Variants in KLHL28 observed in about 807,000 individuals in gnomAD.
KLHL28 encodes kelch-like protein 28.
In KLHL28, 22 loss-of-function variants were observed where a neutral mutation model predicts 48.3. That is an observed-to-expected ratio of 0.46 (90% CI 0.33 to 0.65). The LOEUF (loss-of-function observed/expected upper bound fraction) is 0.65. Among genes scored for constraint, KLHL28 ranks in the 30% least tolerant of loss-of-function variants. KLHL28 has a pLI of 0.03. For missense variants in KLHL28, 527 were observed against 704.3 expected (o/e 0.75, Z 2.85); for synonymous variants, 243 against 242.4 (o/e 1.00, Z -0.02).
intron 3 of KLHL28, among the ~76,000 whole-genome samples, chr14:44,932,498 C>T (rs192258092): frequency 2.0e-5 from 3 of 152,288 alleles, no homozygotes; most frequent in Admixed American, 2.0e-4. Flanking sequence ...ATTCTAGCAG[C>T]TGTTTAAGAC....
rs1164104995 is a variant in KLHL28 at position 44,924,412 on chromosome 14, A to AT, written c.*4615dup. On this transcript the variant is annotated 3_prime_UTR_variant, in exon 5 of 5. Coordinates refer to ENST00000396128, the MANE Select transcript of KLHL28 (RefSeq NM_017658.5). ...AACATTACCACAATGATACACACAA[A>AT]TAACCTTTAAAATAAAAAAGAATAC... 2 of 152,566 alleles carry AT rather than the reference A, an allele frequency of 1.3e-5. No homozygotes were observed. Among genetic ancestry groups the AT allele is most frequent in the Non-Finnish European group, 2.9e-5 (2 of 68,040 alleles). 9.5% of individuals were successfully genotyped at this position (152,566 alleles called of 1,614,324 possible).
chr14:44,954,008 G>C (rs1047618947), intron 1 of KLHL28, among the ~76,000 whole-genome samples: 1 of 151,992 alleles, frequency 6.6e-6, no homozygotes, highest in African/African-American at 2.4e-5. Context: ...AGGAAAAATT[G>C]GTTAAAGAAA....
chr14:44,952,915 A>G (rs1226385670), intron 1 of KLHL28, among the ~76,000 whole-genome samples: 4 of 152,116 alleles, frequency 2.6e-5, no homozygotes, highest in Non-Finnish European at 5.9e-5. Flanking sequence ...AAAAAAAAAA[A>G]AACAAACACA....
chr14:44,954,966 T>C (rs1034467444), intron 1 of KLHL28, among the ~76,000 whole-genome samples: 2 of 152,220 alleles, frequency 1.3e-5, no homozygotes, highest in Admixed American at 6.5e-5. Flanking sequence ...TATCTTATGC[T>C]GTTTTCAGTA....
chr14:44,942,564 T>A (rs1022921403), intron 2 of KLHL28, among the ~76,000 whole-genome samples: 2 of 151,724 alleles, frequency 1.3e-5, no homozygotes, highest in African/African-American at 4.8e-5. Context: ...TGGCATACAA[T>A]AACTTCTTTG....
rs372267594 is a variant in KLHL28 at position 44,953,450 on chromosome 14, CG to C, written c.1-7523del. On this transcript the variant is annotated intron_variant, in intron 1 of 4. Transcript: ENST00000396128. ...AGGTAACTGGCAGAGTCCTTATGAA[CG>C]GATTGATCCACTTATGGATTAATGA... Among the ~76,000 whole-genome samples the C allele has an allele frequency of 2.6e-4, 40 of 152,280 alleles. No individual in the cohort carries two copies. The South Asian group carries it at 8.1e-3, about 31-fold the overall frequency.
intron 2 of KLHL28, among the ~76,000 whole-genome samples, chr14:44,940,785 A>G (rs1213184754): frequency 6.6e-6 from 1 of 152,174 alleles, no homozygotes; most frequent in African/African-American, 2.4e-5. Flanking sequence ...TTCATCAATA[A>G]GCATTCATCT....
intron 1 of KLHL28, among the ~76,000 whole-genome samples, chr14:44,952,229 C>A (rs1884616160): frequency 6.6e-6 from 1 of 152,118 alleles, no homozygotes; most frequent in Non-Finnish European, 1.5e-5. Flanking sequence ...GAAAAATGCA[C>A]AGAATTCTAA....
At chr14:44,960,495 C>T (rs1884995887) in intron 1 of KLHL28, among the ~76,000 whole-genome samples, 1 of 152,194 alleles carries the variant, frequency 6.6e-6, no homozygotes, top group Non-Finnish European at 1.5e-5. Context: ...GAGAACCAGA[C>T]ACTTTCTCAT....
At chr14:44,952,713 C>A (rs73346324) in intron 1 of KLHL28, among the ~76,000 whole-genome samples, 8,163 of 152,072 alleles carry the variant, frequency 0.054, 546 homozygotes, top group African/African-American at 0.16. Flanking sequence ...AACTATAATG[C>A]CTTCAAAATT....
chr14:44,939,192 G>A (rs897884257), intron 2 of KLHL28, among the ~76,000 whole-genome samples: 1 of 152,122 alleles, frequency 6.6e-6, no homozygotes, highest in Admixed American at 6.5e-5. Context: ...GACTCCCAAG[G>A]TGGCCATGGG....
chr14:44,936,081 T>C (rs1883815131), intron 2 of KLHL28, among the ~76,000 whole-genome samples: 1 of 151,482 alleles, frequency 6.6e-6, no homozygotes, highest in Non-Finnish European at 1.5e-5. Context: ...AAAATATGAA[T>C]TTGATGCAAT....
At chr14:44,932,796 T>C (rs930663207) in intron 3 of KLHL28, among the ~76,000 whole-genome samples, 8 of 152,170 alleles carry the variant, frequency 5.3e-5, no homozygotes, top group African/African-American at 1.7e-4. Context: ...TTTCAAAGAA[T>C]AGAAATGCAT....
In KLHL28 at chr14:44,925,269, C is replaced by T. The variant is rs1018431204; in HGVS notation, c.*3759G>A. 2.0e-5 allele frequency: 3 copies of T among 152,148 alleles called. No homozygotes were observed. Among genetic ancestry groups the T allele is most frequent in the Admixed American group, 6.5e-5 (1 of 15,288 alleles). 9.4% of individuals were successfully genotyped at this position (152,148 alleles called of 1,614,324 possible). On this transcript the variant is annotated 3_prime_UTR_variant, in exon 5 of 5. Coordinates refer to ENST00000396128, the MANE Select transcript of KLHL28 (RefSeq NM_017658.5). ...AGGTGACAATACCAGGAATCCAACA[C>T]CAAAACTGAAAATAAACACAACATG... is the stretch of plus-strand genomic sequence containing the variant.
rs1258995460 is a variant in KLHL28 at position 44,945,400 on chromosome 14, T to A, written c.529A>T (p.Thr177Ser). The A allele has an allele frequency of 6.2e-7, 1 of 1,614,182 alleles. No homozygotes were observed. The highest frequency in any genetic ancestry group is 2.2e-5 in the East Asian group (1 of 44,888). Residue 177 changes from threonine (T) to serine (S), a missense_variant, in exon 2 of 5, where the codon ACA becomes TCA. Transcript: ENST00000396128. The stretch of plus-strand genomic sequence containing the variant: ...ACAATTTCATCCAAGTCAGCATGTG[T>A]AAGCTCAAAAAACTCTTCAGTCTGG... ...VCQTEEFFELTHADLDEIVSN... is the reference protein window; with the variant it reads ...VCQTEEFFELSHADLDEIVSN...
intron 1 of KLHL28, among the ~76,000 whole-genome samples, chr14:44,951,437 T>C (rs1301215097): frequency 2.6e-5 from 4 of 152,246 alleles, no homozygotes; most frequent in African/African-American, 9.6e-5. Context: ...CCTATACTTA[T>C]GCCCCTATAA....
intron 1 of KLHL28, among the ~76,000 whole-genome samples, chr14:44,955,965 A>ATAC: frequency 6.6e-6 from 1 of 152,346 alleles, no homozygotes; most frequent in South Asian, 2.1e-4. Context: ...TAAATGCATG[A>ATAC]GTTAATAATG....
At position 44,927,667 on chromosome 14, in the gene KLHL28, A is replaced by G. The variant is rs1387352162; in HGVS notation, c.*1361T>C. Reference sequence around the variant, plus strand: ...ACAGCAAACAATTTTGCTTTAAAAGATCATTTCTTTAATCAAAGTAGAACT... The same window carrying G: ...ACAGCAAACAATTTTGCTTTAAAAGGTCATTTCTTTAATCAAAGTAGAACT... On this transcript the variant is annotated 3_prime_UTR_variant, in exon 5 of 5. Coordinates refer to ENST00000396128, the MANE Select transcript of KLHL28 (RefSeq NM_017658.5). The G allele has an allele frequency of 6.6e-6, 1 of 152,620 alleles. No homozygotes were observed. Among genetic ancestry groups the G allele is most frequent in the African/African-American group, 2.4e-5 (1 of 41,454 alleles). 9.5% of individuals were successfully genotyped at this position (152,620 alleles called of 1,614,324 possible). A position where few individuals can be genotyped will look rare whatever the true frequency, so the allele number is the denominator to read the frequency against.
In KLHL28 at chr14:44,924,862, C is replaced by G. The variant is rs1052324218; in HGVS notation, c.*4166G>C. On this transcript the variant is annotated 3_prime_UTR_variant, in exon 5 of 5. Coordinates refer to ENST00000396128, the MANE Select transcript of KLHL28 (RefSeq NM_017658.5). ...AAGACATATGGATAACAATTTTTCT[C>G]TCTGCAGAGATGTAAACTGGATTTT... 1.6e-4 allele frequency: 24 copies of G among 152,582 alleles called. No homozygotes were observed. Among genetic ancestry groups the G allele is most frequent in the African/African-American group, 5.8e-4 (24 of 41,450 alleles). 9.5% of individuals were successfully genotyped at this position (152,582 alleles called of 1,614,324 possible).
Sources: allele counts gnomAD v4.1 joint callset (sites outside exome capture counted in the v4.1 genomes callset), GRCh38; gene constraint gnomAD v4.1.1; transcripts MANE v1.5; gene names NCBI Gene and HGNC (gene_info 2026-07-23, HGNC 2026-07-21).